The following CTNNA3 variants were observed in gnomAD, a reference collection of about 807,000 sequenced individuals.
CTNNA3 encodes the protein catenin alpha 3, also known as catenin alpha-3.
CTNNA3 carries 76 observed loss-of-function variants against 95.7 expected under a neutral mutation model. That is an observed-to-expected ratio of 0.79 (90% CI 0.66 to 0.96). CTNNA3 has a LOEUF of 0.96. Ranked by LOEUF, CTNNA3 falls within the 40% of genes least tolerant of loss-of-function variation. The pLI is 0.00. For synonymous variants in CTNNA3, 431 were observed against 374.4 expected (o/e 1.15, Z -1.74); for missense variants, 1,191 against 1,089.8 (o/e 1.09, Z -1.31).
intron 7 of CTNNA3, among the ~76,000 whole-genome samples, chr10:67,002,982 C>T (rs1851769211): frequency 6.6e-6 from 1 of 152,126 alleles, no homozygotes; most frequent in Admixed American, 6.5e-5. Flanking sequence ...GAATAAAATA[C>T]ATTCATCAGA....
intron 7 of CTNNA3, among the ~76,000 whole-genome samples, chr10:66,957,393 C>CAT (rs10532386): frequency 4.0e-4 from 33 of 83,154 alleles, no homozygotes; most frequent in African/African-American, 2.4e-3. Context: ...TATATATATA[C>CAT]ATATATATAT....
chr10:67,336,413 G>A (rs1022714632), intron 5 of CTNNA3, among the ~76,000 whole-genome samples: 4 of 152,256 alleles, frequency 2.6e-5, no homozygotes, highest in African/African-American at 9.6e-5. Flanking sequence ...TTGGAAGCTC[G>A]CAGAGGTTGG....
At chr10:67,340,737 C>T (rs1842153646) in intron 5 of CTNNA3, among the ~76,000 whole-genome samples, 1 of 152,144 alleles carries the variant, frequency 6.6e-6, no homozygotes, top group African/African-American at 2.4e-5. Context: ...AGTTGTTAAG[C>T]AATTTTACAT....
chr10:67,727,685 T>A (rs1348168996), intron 1 of CTNNA3, among the ~76,000 whole-genome samples: 1 of 127,866 alleles, frequency 7.8e-6, no homozygotes, highest in East Asian at 2.1e-4. Flanking sequence ...TATAAATATA[T>A]AATATATAAT....
intron 7 of CTNNA3, among the ~76,000 whole-genome samples, chr10:66,983,502 A>G (rs894147650): frequency 2.0e-5 from 3 of 150,196 alleles, no homozygotes; most frequent in Non-Finnish European, 4.4e-5. Context: ...TGCATTTGTG[A>G]TTGTGGTTCT....
intron 7 of CTNNA3, among the ~76,000 whole-genome samples, chr10:66,792,824 C>T (rs7917884): frequency 0.52 from 79,095 of 152,000 alleles, 21,581 homozygotes; most frequent in East Asian, 0.72. Context: ...TGCCTCATCA[C>T]CTAGGTCTGG....
At chr10:67,037,023 G>A (rs1854103078) in intron 7 of CTNNA3, among the ~76,000 whole-genome samples, 1 of 152,236 alleles carries the variant, frequency 6.6e-6, no homozygotes, top group South Asian at 2.1e-4. Context: ...TAAGTACAGA[G>A]ACCTTGGGTG....
chr10:66,265,742 A>G (rs12263548), intron 13 of CTNNA3, among the ~76,000 whole-genome samples: 70,977 of 151,826 alleles, frequency 0.47, 17,979 homozygotes, highest in African/African-American at 0.68. Context: ...CAGAGTGTAA[A>G]AGACTGCTTT....
At chr10:67,730,320 A>AT (rs35741997) in intron 1 of CTNNA3, among the ~76,000 whole-genome samples, 18,036 of 149,764 alleles carry the variant, frequency 0.12, 1,211 homozygotes, top group Non-Finnish European at 0.16. Context: ...TTCCTTGGGC[A>AT]TTTTTTTTTT....
intron 7 of CTNNA3, among the ~76,000 whole-genome samples, chr10:67,158,756 A>G (rs1340138001): frequency 6.6e-6 from 1 of 152,136 alleles, no homozygotes; most frequent in East Asian, 1.9e-4. Flanking sequence ...ACTTCTTCAA[A>G]TGATAAAAAG....
chr10:67,534,080 C>G (rs1175241268), intron 4 of CTNNA3, among the ~76,000 whole-genome samples: 1 of 150,882 alleles, frequency 6.6e-6, no homozygotes, highest in Non-Finnish European at 1.5e-5. Flanking sequence ...AGTCCAGAAG[C>G]CTGAATGAAA....
intron 7 of CTNNA3, among the ~76,000 whole-genome samples, chr10:67,015,898 TTTG>T (rs1852625922): frequency 6.6e-6 from 1 of 152,148 alleles, no homozygotes; most frequent in South Asian, 2.1e-4. Context: ...TGCTTGTGAC[TTTG>T]TTTTCAATCA....
intron 11 of CTNNA3, among the ~76,000 whole-genome samples, chr10:66,398,591 G>C (rs1371635200): frequency 6.6e-6 from 1 of 151,866 alleles, no homozygotes; most frequent in African/African-American, 2.4e-5. Context: ...AGGAAGAAAG[G>C]TAACATGACG....
At chr10:66,304,039 C>T (rs983639019) in intron 12 of CTNNA3, among the ~76,000 whole-genome samples, 1 of 151,872 alleles carries the variant, frequency 6.6e-6, no homozygotes. Context: ...ATATATACAA[C>T]CCATAGTATC....
chr10:65,972,971 A>G (rs909459243), intron 16 of CTNNA3, among the ~76,000 whole-genome samples: 2 of 152,012 alleles, frequency 1.3e-5, no homozygotes, highest in African/African-American at 4.8e-5. Context: ...CTATAAGGCT[A>G]CAGTAACACA....
chr10:66,598,408 C>T (rs575481273), intron 10 of CTNNA3, among the ~76,000 whole-genome samples: 2 of 152,046 alleles, frequency 1.3e-5, no homozygotes, highest in South Asian at 2.1e-4. Flanking sequence ...AAGTCTTACC[C>T]AGAGCAATTA....
intron 13 of CTNNA3, among the ~76,000 whole-genome samples, chr10:66,176,782 T>C (rs1272313930): frequency 6.6e-6 from 1 of 152,068 alleles, no homozygotes; most frequent in Non-Finnish European, 1.5e-5. Context: ...CTTCCCAGCC[T>C]TCAGAACTGT....
intron 7 of CTNNA3, among the ~76,000 whole-genome samples, chr10:66,919,457 A>T (rs1306034614): frequency 6.6e-6 from 1 of 152,176 alleles, no homozygotes; most frequent in African/African-American, 2.4e-5. Context: ...CTACCTTTGC[A>T]GGAAGTGACA....
intron 2 of CTNNA3, among the ~76,000 whole-genome samples, chr10:67,607,757 T>C (rs988430399): frequency 6.6e-6 from 1 of 152,040 alleles, no homozygotes; most frequent in Non-Finnish European, 1.5e-5. Flanking sequence ...CAACTAAAAA[T>C]AGGAAGGAAG....
Sources: gnomAD v4.1 joint callset for allele counts (sites outside exome capture counted in the v4.1 genomes callset) on GRCh38, gnomAD v4.1.1 for gene constraint, MANE v1.5 for transcripts, NCBI Gene and HGNC (gene_info 2026-07-23, HGNC 2026-07-21) for gene names.